The following CDK12 variants were observed in gnomAD, a reference collection of about 807,000 sequenced individuals.
CDK12 encodes cyclin dependent kinase 12, also known as cyclin-dependent kinase 12.
Under a neutral mutation model 133.8 loss-of-function variants are expected in CDK12, and 17 were observed. That is an observed-to-expected ratio of 0.13 (90% CI 0.09 to 0.19). CDK12 has a LOEUF of 0.19. Among genes scored for constraint, CDK12 ranks in the 10% least tolerant of loss-of-function variants. CDK12 has a pLI of 1.00. For synonymous variants in CDK12, 694 were observed against 683.6 expected (o/e 1.02, Z -0.24); for missense variants, 1,508 against 1,818.7 (o/e 0.83, Z 3.11).
At position 39,532,157 on chromosome 17, in the gene CDK12, G is replaced by A. The variant is rs186453530; in HGVS notation, c.*841G>A. On this transcript the variant is annotated 3_prime_UTR_variant, in exon 14 of 14. Coordinates refer to ENST00000447079, the MANE Select transcript of CDK12 (RefSeq NM_016507.4). Reference sequence around the variant, plus strand: ...CTCTCTCTCTCTGTCTCGCTTGCTCGCTCTCGCTGTTTCTCTCTCTTTGAG... The same window carrying A: ...CTCTCTCTCTCTGTCTCGCTTGCTCACTCTCGCTGTTTCTCTCTCTTTGAG... The A allele has an allele frequency of 1.1e-3, 201 of 189,998 alleles. 1 individual carries two copies. Among genetic ancestry groups the A allele is most frequent in the East Asian group, 9.3e-3 (145 of 15,618 alleles). The allele number at this position is 189,998 out of a possible 1,614,324, so 11.8% of individuals were successfully genotyped here. A position where few individuals can be genotyped will look rare whatever the true frequency, so the allele number is the denominator to read the frequency against.
Position 39,532,845 on chromosome 17 carries a change from C to A in CDK12, c.*1529C>A. The A allele has an allele frequency of 4.3e-6, 1 of 232,904 alleles. No homozygotes were observed. Among genetic ancestry groups the A allele is most frequent in the Admixed American group, 5.6e-5 (1 of 17,774 alleles). The allele number at this position is 232,904 out of a possible 1,614,324, so 14.4% of individuals were successfully genotyped here. A position where few individuals can be genotyped will look rare whatever the true frequency, so the allele number is the denominator to read the frequency against. On this transcript the variant is annotated 3_prime_UTR_variant, in exon 14 of 14. Transcript: ENST00000447079. ...AGGCTTCTCATTCTGGCTTCTATTT[C>A]TATGTGAGTACCAGCATATAGAGTG...
At chr17:39,482,599 A>ATTTTTTTTTTTTTTGTTT (rs2050802367) in intron 2 of CDK12, among the ~76,000 whole-genome samples, 1 of 74,392 alleles carries the variant, frequency 1.3e-5, no homozygotes. Flanking sequence ...AATCAACTAC[A>ATTTTTTTTTTTTTTGTTT]TTTTTTTTTT....
chr17:39,522,339 G>A (rs1395966350), intron 11 of CDK12, among the ~76,000 whole-genome samples: 2 of 151,930 alleles, frequency 1.3e-5, no homozygotes, highest in African/African-American at 4.8e-5. Flanking sequence ...TGCCTGCCTC[G>A]GCCTCCGAAA....
intron 6 of CDK12, among the ~76,000 whole-genome samples, chr17:39,507,982 T>C (rs1388742081): frequency 6.6e-6 from 1 of 152,190 alleles, no homozygotes; most frequent in Non-Finnish European, 1.5e-5. Flanking sequence ...CACATGTCCA[T>C]ATTTTGGGGA....
At chr17:39,559,298 G>T (rs6503521) in intron 3 of CDK12, among the ~76,000 whole-genome samples, 131,847 of 152,266 alleles carry the variant, frequency 0.87, 57,444 homozygotes, top group African/African-American at 0.95. Context: ...AATATTGACC[G>T]TGATATAACC....
At chr17:39,511,403 T>C in intron 7 of CDK12, 126 bp from the exon 8 acceptor site, 2 of 607,914 alleles carry the variant, frequency 3.3e-6, no homozygotes, top group Non-Finnish European at 5.9e-6. Context: ...GAGTGTTAGG[T>C]TGCTCTGGAT....
intron 2 of CDK12, among the ~76,000 whole-genome samples, chr17:39,552,671 A>T (rs2055999889): frequency 1.3e-5 from 2 of 152,176 alleles, no homozygotes. Context: ...TTCTCCAAGG[A>T]ACAGAGCCTC....
intron 2 of CDK12, among the ~76,000 whole-genome samples, chr17:39,476,689 A>G (rs985367813): frequency 8.1e-6 from 1 of 124,058 alleles, no homozygotes; most frequent in Non-Finnish European, 1.6e-5. Flanking sequence ...CAGAGATTAC[A>G]GGCATGAGCC....
rs757522392 is a variant in CDK12 at position 39,462,060 on chromosome 17, A to G, written c.-12A>G. Reference sequence around the variant, plus strand: ...GGAACTTTTTTCCCTTCTTCAGGTCAGGGGAAAGGGAATGCCCAATTCAGA... The same window carrying G: ...GGAACTTTTTTCCCTTCTTCAGGTCGGGGGAAAGGGAATGCCCAATTCAGA... On this transcript the variant is annotated 5_prime_UTR_variant, in exon 1 of 14. Transcript: ENST00000447079. 8.7e-6 allele frequency: 14 copies of G among 1,607,592 alleles called. No homozygotes were observed. The highest frequency in any genetic ancestry group is 1.7e-4 in the Middle Eastern group (1 of 5,798).
chr17:39,563,463 G>GCCCCC (rs59758254), intron 3 of CDK12, among the ~76,000 whole-genome samples: 3 of 31,806 alleles, frequency 9.4e-5, no homozygotes, highest in Admixed American at 4.1e-4. Context: ...CTTGCTTCCC[G>GCCCCC]CCCCCCCCCC....
chr17:39,482,517 A>G (rs982107147), intron 2 of CDK12, among the ~76,000 whole-genome samples: 2 of 149,950 alleles, frequency 1.3e-5, no homozygotes, highest in South Asian at 4.2e-4. Flanking sequence ...AATTTGTGTC[A>G]TCTTTGTGCA....
upstream of CDK12, among the ~76,000 whole-genome samples, chr17:39,547,343 T>C (rs1422905605): frequency 6.6e-6 from 1 of 152,042 alleles, no homozygotes; most frequent in Non-Finnish European, 1.5e-5. Context: ...TCCATGATGA[T>C]GAGGCTGGTC....
chr17:39,520,141 A>T, intron 11 of CDK12, 54 bp downstream of exon 11: 1 of 1,595,166 alleles, frequency 6.3e-7, no homozygotes, highest in South Asian at 1.1e-5. Flanking sequence ...GCCTTAGACG[A>T]TGAGAAACTC....
chr17:39,537,916 G>A (rs2055216584), downstream of CDK12, among the ~76,000 whole-genome samples: 1 of 151,978 alleles, frequency 6.6e-6, no homozygotes, highest in African/African-American at 2.4e-5. Context: ...GAAAAATTAT[G>A]GTTGAGTTAG....
chr17:39,470,747 C>T (rs2049730584), intron 1 of CDK12, 132 bp from the exon 2 acceptor site: 2 of 739,332 alleles, frequency 2.7e-6, no homozygotes, highest in Non-Finnish European at 4.2e-6. Flanking sequence ...TCAGACTGTC[C>T]TCGTTTTTGA....
At chr17:39,521,016 T>C (rs1269444293) in intron 11 of CDK12, among the ~76,000 whole-genome samples, 2 of 152,008 alleles carry the variant, frequency 1.3e-5, no homozygotes, top group East Asian at 3.9e-4. Context: ...CAGCTAATTT[T>C]GTGTTTTTAG....
rs375327281 is a variant in CDK12, at chr17:39,481,627, TCGCG to T, written c.1932-8926_1932-8923del. On this transcript the variant is annotated intron_variant, in intron 2 of 13. Transcript: ENST00000447079. ...GCCCAGCACTTATGTGCTTGCTCGC[TCGCG>T]CGCTCTCTCTCTCTCTCTCTCTCTC... Among the ~76,000 whole-genome samples, 135 of 105,166 alleles carry T rather than the reference TCGCG, an allele frequency of 1.3e-3. 4 individuals are homozygous for T. The highest frequency in any genetic ancestry group is 5.3e-3 in the African/African-American group (124 of 23,258). 69.0% of individuals were successfully genotyped at this position (105,166 alleles called of 152,430 possible).
chr17:39,542,460 G>A (rs1220710045), intron 1 of CDK12, among the ~76,000 whole-genome samples: 1 of 149,446 alleles, frequency 6.7e-6, no homozygotes, highest in African/African-American at 2.5e-5. Flanking sequence ...CAAAGTGCTG[G>A]GATTACAGGC....
chr17:39,505,139 G>GAC (rs1276005041), intron 6 of CDK12, among the ~76,000 whole-genome samples: 5 of 148,986 alleles, frequency 3.4e-5, no homozygotes, highest in African/African-American at 1.2e-4. Flanking sequence ...TGAGGCAGCG[G>GAC]AATCACTTGA....
Sources: gnomAD v4.1 joint callset for allele counts (sites outside exome capture counted in the v4.1 genomes callset) on GRCh38, gnomAD v4.1.1 for gene constraint, MANE v1.5 for transcripts, NCBI Gene and HGNC (gene_info 2026-07-23, HGNC 2026-07-21) for gene names.